AQP7B: variants seen among roughly 807,000 people sequenced by gnomAD.
The protein encoded by AQP7B is putative aquaporin-7B.
chr2:94,594,618 G>A, the AQP7B span: 2 of 650,200 alleles, frequency 3.1e-6, no homozygotes, highest in Non-Finnish European at 5.5e-6. Context: ...GCTGCCCCGG[G>A]CAAGAGGAGG....
At chr2:94,599,888 CT>C in the AQP7B span, among the ~76,000 whole-genome samples, 1 of 132,824 alleles carries the variant, frequency 7.5e-6, no homozygotes, top group Admixed American at 7.6e-5. Flanking sequence ...TTTTTTTTTT[CT>C]TTTTTTTGAG....
chr2:94,594,282 T>C, the AQP7B span, among the ~76,000 whole-genome samples: 2 of 152,204 alleles, frequency 1.3e-5, no homozygotes, highest in African/African-American at 2.4e-5. Flanking sequence ...CCTCATGCTG[T>C]TTGTAGAGTG....
At chr2:94,603,903 T>A in the AQP7B span, 1 of 1,325,696 alleles carries the variant, frequency 7.5e-7, no homozygotes. Flanking sequence ...TCACCTTCAT[T>A]GCTGGCTGGG....
chr2:94,603,921 G>T, the AQP7B span: 2 of 1,281,838 alleles, frequency 1.6e-6, no homozygotes, highest in South Asian at 1.3e-5. Context: ...GGGGCAAACA[G>T]GTCTTCAGGT....
the AQP7B span, chr2:94,603,938 C>T: frequency 1.6e-6 from 2 of 1,225,514 alleles, no homozygotes; most frequent in South Asian, 2.7e-5. Flanking sequence ...AGGTACTGCC[C>T]CTGCCCAGGC....
At chr2:94,603,677 G>A in the AQP7B span, 1 of 1,355,706 alleles carries the variant, frequency 7.4e-7, no homozygotes, top group South Asian at 1.5e-5. Flanking sequence ...CTTGGGGAGG[G>A]GCCCAGGTGA....
chr2:94,592,513 T>C, the AQP7B span, among the ~76,000 whole-genome samples: 30 of 152,136 alleles, frequency 2.0e-4, 1 homozygote, highest in South Asian at 6.2e-3. Context: ...AGGGATCTCA[T>C]TATCCCATGA....
At chr2:94,602,018 AGTGTGTGTGT>A in the AQP7B span, among the ~76,000 whole-genome samples, 28 of 139,944 alleles carry the variant, frequency 2.0e-4, 1 homozygote, top group African/African-American at 7.1e-4. Context: ...ATTGCGGCGG[AGTGTGTGTGT>A]GTGTGTGTGT....
chr2:94,602,556 T>A, the AQP7B span: 1 of 1,604,246 alleles, frequency 6.2e-7, no homozygotes, highest in Non-Finnish European at 8.5e-7. Flanking sequence ...TACCTTGGTG[T>A]CAACTTGGGT....
At chr2:94,597,632 T>C in the AQP7B span, among the ~76,000 whole-genome samples, 1 of 151,744 alleles carries the variant, frequency 6.6e-6, no homozygotes, top group Admixed American at 6.6e-5. Flanking sequence ...TTTTGTTTTT[T>C]TTTTGAGATA....
the AQP7B span, among the ~76,000 whole-genome samples, chr2:94,597,950 C>A: frequency 6.6e-6 from 1 of 152,158 alleles, no homozygotes; most frequent in African/African-American, 2.4e-5. Flanking sequence ...TGTACCTTAG[C>A]TTAAATATTG....
At chr2:94,600,430 T>C in the AQP7B span, among the ~76,000 whole-genome samples, 2 of 152,168 alleles carry the variant, frequency 1.3e-5, no homozygotes, top group Non-Finnish European at 2.9e-5. Context: ...GCAGTCAATG[T>C]AAAATTATTA....
At chr2:94,591,776 A>T in the AQP7B span, among the ~76,000 whole-genome samples, 1 of 151,998 alleles carries the variant, frequency 6.6e-6, no homozygotes, top group African/African-American at 2.4e-5. Context: ...GCCTCCCTGG[A>T]GGCTCCTTTA....
the AQP7B span, chr2:94,602,553 G>A: frequency 2.5e-6 from 4 of 1,604,300 alleles, no homozygotes; most frequent in Non-Finnish European, 3.4e-6. Flanking sequence ...AGCTACCTTG[G>A]TGTCAACTTG....
chr2:94,592,841 T>C, the AQP7B span, among the ~76,000 whole-genome samples: 1 of 109,184 alleles, frequency 9.2e-6, no homozygotes, highest in African/African-American at 3.1e-5. Flanking sequence ...TTTTTTTTTT[T>C]GAGACAGGGT....
At chr2:94,602,219 G>A in the AQP7B span, among the ~76,000 whole-genome samples, 4 of 151,910 alleles carry the variant, frequency 2.6e-5, no homozygotes, top group South Asian at 2.1e-4. Flanking sequence ...GGTGGGCCTG[G>A]GGCTGAGGTG....
chr2:94,604,377 C>A, the AQP7B span: 1 of 1,611,548 alleles, frequency 6.2e-7, no homozygotes, highest in Non-Finnish European at 8.5e-7. Context: ...TTCATTGGCT[C>A]CACCATCCCA....
At chr2:94,601,808 A>T in the AQP7B span, among the ~76,000 whole-genome samples, 99 of 152,238 alleles carry the variant, frequency 6.5e-4, 2 homozygotes, top group African/African-American at 2.2e-3. Context: ...AGAGGATAGC[A>T]CAGGAGCCAG....
the AQP7B span, among the ~76,000 whole-genome samples, chr2:94,601,986 C>G: frequency 6.6e-6 from 1 of 151,136 alleles, no homozygotes; most frequent in Non-Finnish European, 1.5e-5. Flanking sequence ...AGTTAGGGCC[C>G]CACTGTTCCA....
Sources: allele counts gnomAD v4.1 joint callset (sites outside exome capture counted in the v4.1 genomes callset), GRCh38; gene constraint gnomAD v4.1.1; transcripts MANE v1.5; gene names NCBI Gene and HGNC (gene_info 2026-07-23, HGNC 2026-07-21).